Variants in HSD11B1 observed in about 807,000 individuals in gnomAD.
HSD11B1 encodes 11-beta-hydroxysteroid dehydrogenase 1.
Under a neutral mutation model 22.1 loss-of-function variants are expected in HSD11B1, and 15 were observed. The observed-to-expected ratio is 0.68, with a 90% confidence interval of 0.45 to 1.04. The LOEUF (loss-of-function observed/expected upper bound fraction) is 1.04, where lower values mean the gene tolerates loss of function less well. HSD11B1 is among the 50% of genes least tolerant of loss of function. HSD11B1 has a pLI of 0.00. For synonymous variants in HSD11B1, 122 were observed against 125.2 expected (o/e 0.97, Z 0.17); for missense variants, 281 against 357.6 (o/e 0.79, Z 1.73).
At chr1:209,727,478 T>C (rs1039969161) in intron 4 of HSD11B1, among the ~76,000 whole-genome samples, 2 of 152,196 alleles carry the variant, frequency 1.3e-5, no homozygotes, top group Non-Finnish European at 2.9e-5. Context: ...ATAATACTGC[T>C]ATTCATAAAT....
At chr1:209,715,926 G>T (rs757319142) in intron 4 of HSD11B1, among the ~76,000 whole-genome samples, 11 of 152,108 alleles carry the variant, frequency 7.2e-5, no homozygotes, top group Non-Finnish European at 1.5e-4. Flanking sequence ...CACCACAAAT[G>T]ACCTGATTCA....
At chr1:209,705,651 T>G (rs550367901) in intron 1 of HSD11B1, among the ~76,000 whole-genome samples, 160 bp from the exon 2 acceptor site, 1 of 152,310 alleles carries the variant, frequency 6.6e-6, no homozygotes, top group African/African-American at 2.4e-5. Flanking sequence ...ATGAAAGACC[T>G]GGCCTGTTCC....
At chr1:209,695,859 C>T (rs2076788186) in intron 1 of HSD11B1, among the ~76,000 whole-genome samples, 1 of 152,188 alleles carries the variant, frequency 6.6e-6, no homozygotes, top group South Asian at 2.1e-4. Flanking sequence ...AGCAATGCCA[C>T]TCTTGGGCAT....
intron 4 of HSD11B1, among the ~76,000 whole-genome samples, chr1:209,708,918 T>C (rs2076877591): frequency 6.6e-6 from 1 of 152,230 alleles, no homozygotes; most frequent in Admixed American, 6.5e-5. Context: ...TTGGTGTTTA[T>C]TGCTTGTGTA....
At chr1:209,708,165 G>A (rs1274777784) in intron 4 of HSD11B1, among the ~76,000 whole-genome samples, 2 of 152,106 alleles carry the variant, frequency 1.3e-5, no homozygotes, top group East Asian at 3.9e-4. Flanking sequence ...GACATTTCTA[G>A]GCCCATTTTT....
chr1:209,722,638 C>G (rs945951537), intron 4 of HSD11B1, among the ~76,000 whole-genome samples: 1 of 152,146 alleles, frequency 6.6e-6, no homozygotes, highest in African/African-American at 2.4e-5. Context: ...GAGTTTAGAC[C>G]ATGAGGGTCT....
intron 4 of HSD11B1, among the ~76,000 whole-genome samples, chr1:209,729,393 C>CAA (rs59022638): frequency 6.6e-6 from 1 of 151,292 alleles, no homozygotes; most frequent in South Asian, 2.1e-4. Flanking sequence ...CACACACACA[C>CAA]AAGTAAGTTA....
chr1:209,697,884 C>CTTTTGTTTTTTTTTTTTTTTT (rs2076800543), intron 1 of HSD11B1, among the ~76,000 whole-genome samples: 1 of 41,586 alleles, frequency 2.4e-5, no homozygotes, highest in Non-Finnish European at 4.5e-5. Context: ...TTGTTTTTTC[C>CTTTTGTTTTTTTTTTTTTTTT]TTTTTTTTTT....
At chr1:209,730,349 C>T (rs1421356756) in intron 4 of HSD11B1, among the ~76,000 whole-genome samples, 1 of 152,150 alleles carries the variant, frequency 6.6e-6, no homozygotes, top group Non-Finnish European at 1.5e-5. Context: ...AAACTGACTG[C>T]TACAATTCTA....
chr1:209,726,729 TCTC>T (rs2077005377), intron 4 of HSD11B1, among the ~76,000 whole-genome samples: 1 of 152,184 alleles, frequency 6.6e-6, no homozygotes, highest in Admixed American at 6.5e-5. Context: ...CTTACCTCCT[TCTC>T]CTACAAAACC....
chr1:209,703,515 G>A (rs2076837125), upstream of HSD11B1, among the ~76,000 whole-genome samples: 1 of 152,012 alleles, frequency 6.6e-6, no homozygotes, highest in South Asian at 2.1e-4. Context: ...GCCCTCAACT[G>A]TTCTCAAATC....
intron 4 of HSD11B1, 63 bp downstream of exon 4, chr1:209,707,191 A>T: frequency 3.0e-6 from 4 of 1,314,900 alleles, no homozygotes; most frequent in Non-Finnish European, 4.4e-6. Context: ...GGATGATGCC[A>T]GGCTCTGAAG....
At chr1:209,728,109 T>C (rs988368690) in intron 4 of HSD11B1, among the ~76,000 whole-genome samples, 2 of 152,242 alleles carry the variant, frequency 1.3e-5, no homozygotes, top group Admixed American at 6.5e-5. Context: ...ACATTTTATA[T>C]ATTCCAACCT....
At chr1:209,705,976 C>T in intron 2 of HSD11B1, 35 bp downstream of exon 2, 1 of 1,612,874 alleles carries the variant, frequency 6.2e-7, no homozygotes, top group Non-Finnish European at 8.5e-7. Context: ...TGTGTACCGT[C>T]ACATGCTCAG....
rs1456928758 is a variant in HSD11B1, at chr1:209,687,406, AG to A, written c.-49+1123del. On this transcript the variant is annotated intron_variant, in intron 1 of 6. Transcript: ENST00000261465. ...TTCTGCTGGCTTGCCAAGGTTTGAA[AG>A]GAACTGCCTCCCTGTCATTAGGATG... 2.6e-5 allele frequency among the ~76,000 whole-genome samples: 4 copies of A among 152,208 alleles called. No individual in the cohort carries two copies. The East Asian group carries it at 7.7e-4, about 29-fold the overall frequency.
chr1:209,693,580 C>G (rs1388849003), intron 1 of HSD11B1, among the ~76,000 whole-genome samples: 1 of 152,200 alleles, frequency 6.6e-6, no homozygotes, highest in African/African-American at 2.4e-5. Context: ...GAGCCATGTG[C>G]CATATCATCT....
intron 1 of HSD11B1, among the ~76,000 whole-genome samples, chr1:209,695,585 C>A (rs1166672380): frequency 1.3e-5 from 2 of 152,018 alleles, no homozygotes; most frequent in East Asian, 1.9e-4. Context: ...CTGAGGCAGG[C>A]AGATCATGAG....
intron 1 of HSD11B1, among the ~76,000 whole-genome samples, chr1:209,695,032 C>T (rs1459076418): frequency 1.3e-5 from 2 of 152,162 alleles, no homozygotes; most frequent in African/African-American, 4.8e-5. Flanking sequence ...CCCCCATAAT[C>T]TCATCTGTTC....
At chr1:209,729,923 C>T (rs1190722024) in intron 4 of HSD11B1, among the ~76,000 whole-genome samples, 1 of 152,114 alleles carries the variant, frequency 6.6e-6, no homozygotes, top group African/African-American at 2.4e-5. Flanking sequence ...TGGTAAAATG[C>T]AATATCCCTT....
Sources: gnomAD v4.1 joint callset for allele counts (sites outside exome capture counted in the v4.1 genomes callset) on GRCh38, gnomAD v4.1.1 for gene constraint, MANE v1.5 for transcripts, NCBI Gene and HGNC (gene_info 2026-07-23, HGNC 2026-07-21) for gene names.